GSAP: variants seen among roughly 807,000 people sequenced by gnomAD.
The protein encoded by GSAP is gamma-secretase-activating protein.
In GSAP, 118 loss-of-function variants were observed where a neutral mutation model predicts 131.7. That is an observed-to-expected ratio of 0.90 (90% CI 0.77 to 1.04). The LOEUF is 1.04. Among genes scored for constraint, GSAP ranks in the 50% least tolerant of loss-of-function variants. The probability of loss-of-function intolerance (pLI) is 0.00; values close to 1 mark genes in which losing one functional copy is unlikely to be tolerated. For synonymous variants in GSAP, 381 were observed against 363.4 expected (o/e 1.05, Z -0.55); for missense variants, 1,019 against 1,013.2 (o/e 1.01, Z -0.08).
chr7:77,412,002 A>C (rs1803373199), intron 1 of GSAP, among the ~76,000 whole-genome samples: 3 of 152,198 alleles, frequency 2.0e-5, no homozygotes, highest in African/African-American at 7.2e-5. Flanking sequence ...AATATGGTGA[A>C]ACTCTGTCTC....
chr7:77,414,983 G>A (rs576947910), intron 1 of GSAP, among the ~76,000 whole-genome samples: 6 of 149,744 alleles, frequency 4.0e-5, no homozygotes, highest in Non-Finnish European at 8.9e-5. Context: ...TCAGCCTCCC[G>A]AGTAGCTGGG....
chr7:77,311,664 G>A (rs1027909152), intron 30 of GSAP, 177 bp downstream of exon 30: 2 of 588,286 alleles, frequency 3.4e-6, no homozygotes, highest in African/African-American at 3.7e-5. Flanking sequence ...CTTCAGAGGT[G>A]ATTATTTGGT....
intron 3 of GSAP, among the ~76,000 whole-genome samples, chr7:77,402,168 A>C (rs1344181359): frequency 6.6e-6 from 1 of 151,996 alleles, no homozygotes; most frequent in South Asian, 2.1e-4. Flanking sequence ...CCTGAAGCTC[A>C]ATTACCAAGA....
chr7:77,368,745 C>G (rs915212510), intron 12 of GSAP, among the ~76,000 whole-genome samples: 19 of 152,172 alleles, frequency 1.2e-4, no homozygotes, highest in African/African-American at 4.6e-4. Flanking sequence ...AAATATAGAA[C>G]TTATTTCATA....
chr7:77,401,780 A>G (rs547771176), intron 3 of GSAP, among the ~76,000 whole-genome samples: 1 of 152,368 alleles, frequency 6.6e-6, no homozygotes, highest in East Asian at 1.9e-4. Context: ...AAGAATGTAT[A>G]GGAAATATCG....
At chr7:77,320,205 G>T (rs1478276375) in intron 26 of GSAP, among the ~76,000 whole-genome samples, 1 of 152,042 alleles carries the variant, frequency 6.6e-6, no homozygotes, top group African/African-American at 2.4e-5. Flanking sequence ...TGTCATAGTT[G>T]CTCAACAAAT....
At chr7:77,351,159 A>G (rs1405963833) in intron 18 of GSAP, 1 of 980,768 alleles carries the variant, frequency 1.0e-6, no homozygotes, top group Non-Finnish European at 1.2e-6. Context: ...TAAGTTCTTC[A>G]ATGTGACAGT....
At chr7:77,416,151 CG>C (rs1334292041) in intron 1 of GSAP, 61 bp downstream of exon 1, 43 of 988,998 alleles carry the variant, frequency 4.3e-5, no homozygotes, top group Admixed American at 1.2e-4. Context: ...GGTCGGAGTC[CG>C]GGGGGTATGA....
intron 12 of GSAP, among the ~76,000 whole-genome samples, chr7:77,369,133 T>TA (rs1795753723): frequency 6.6e-6 from 1 of 152,106 alleles, no homozygotes; most frequent in South Asian, 2.1e-4. Context: ...GTTATATGAA[T>TA]AGGAAGGAGA....
Position 77,312,134 on chromosome 7 carries a change from GTGGTTCCGCGA to G in GSAP, c.2329_2339del (p.Ser777ArgfsTer9). On this transcript the variant is annotated frameshift_variant, in exon 29 of 31. Coordinates refer to ENST00000257626, the MANE Select transcript of GSAP (RefSeq NM_017439.4). LOFTEE classifies it high-confidence loss of function. ...TATAGTTCTGAAGCAGTCGCGTCAC[GTGGTTCCGCGA>G]AATGATGTTAGAACTCATAGGATGA... The G allele has an allele frequency of 1.9e-6, 3 of 1,602,024 alleles. No homozygotes were observed. Among genetic ancestry groups the G allele is most frequent in the Non-Finnish European group, 2.6e-6 (3 of 1,174,510 alleles).
chr7:77,311,280 T>G lies in GSAP; in HGVS notation c.*78A>C. The G allele has an allele frequency of 1.2e-6, 1 of 867,440 alleles. No individual in the cohort carries two copies. Among genetic ancestry groups the G allele is most frequent in the Non-Finnish European group, 1.9e-6 (1 of 519,464 alleles). 53.7% of individuals were successfully genotyped at this position (867,440 alleles called of 1,614,324 possible). A position where few individuals can be genotyped will look rare whatever the true frequency, so the allele number is the denominator to read the frequency against. ...TATTTTTGTTACCAATTTTAAATATTGTTAAAGAATTCTCAAAGGAGTAAG... is the reference window on the plus strand; with the variant it reads ...TATTTTTGTTACCAATTTTAAATATGGTTAAAGAATTCTCAAAGGAGTAAG... On this transcript the variant is annotated 3_prime_UTR_variant, in exon 31 of 31. Transcript: ENST00000257626.
At chr7:77,326,353 T>C (rs1006629913) in intron 22 of GSAP, 80 bp from the exon 23 acceptor site, 1 of 939,552 alleles carries the variant, frequency 1.1e-6, no homozygotes, top group African/African-American at 1.6e-5. Context: ...CAGCCTGGGT[T>C]TCCCTTCTCT....
In GSAP at chr7:77,416,268, C is replaced by T. The variant is rs1187441838; in HGVS notation, c.54G>A (p.Trp18Ter). The change falls in exon 1 of 31, where the codon TGG becomes TGA. Residue 18 changes from tryptophan (W) to a stop codon, truncating the protein, a stop_gained. Transcript: ENST00000257626. LOFTEE classifies it high-confidence loss of function. ...CCGACACTGCCCGCTGCGCCCGCAA[C>T]CACGGGAGCACGTCCTTCCCGAGGT... ...DFDLGKDVLP[W>*]LRAQRAVSEA... 3 of 1,496,350 alleles carry T rather than the reference C, an allele frequency of 2.0e-6. No homozygotes were observed. Among genetic ancestry groups the T allele is most frequent in the Admixed American group, 4.6e-5 (2 of 43,864 alleles). The allele number at this position is 1,496,350 out of a possible 1,614,324, so 92.7% of individuals were successfully genotyped here. A position where few individuals can be genotyped will look rare whatever the true frequency, so the allele number is the denominator to read the frequency against.
chr7:77,357,874 T>C (rs563664040), intron 14 of GSAP, among the ~76,000 whole-genome samples: 2 of 152,320 alleles, frequency 1.3e-5, no homozygotes, highest in Admixed American at 1.3e-4. Context: ...ATTTGTGGTG[T>C]TTGAAGTTCT....
At chr7:77,342,322 T>A (rs1471441502) in intron 19 of GSAP, among the ~76,000 whole-genome samples, 2 of 152,192 alleles carry the variant, frequency 1.3e-5, no homozygotes, top group African/African-American at 4.8e-5. Context: ...TTCCCTTGCC[T>A]CCATAACTGT....
chr7:77,371,431 CTTT>C (rs71085450), intron 12 of GSAP, among the ~76,000 whole-genome samples: 88,965 of 143,202 alleles, frequency 0.62, 27,503 homozygotes, highest in Middle Eastern at 0.72. Context: ...CATCTTTTTT[CTTT>C]TTTTTTTTTT....
chr7:77,391,125 C>CAA (rs3083869), intron 5 of GSAP, among the ~76,000 whole-genome samples: 2,196 of 64,864 alleles, frequency 0.034, 140 homozygotes, highest in African/African-American at 0.095. Flanking sequence ...GGCTCCGTCT[C>CAA]AAAAAAAAAA....
rs113338234 is a variant in GSAP, at chr7:77,387,043, T to C, written c.456+317A>G. ...ATTCAGGGATTAAGCCATTTAACCATAGATACTTAATCTGTCAACCATGCA... is the reference window on the plus strand; with the variant it reads ...ATTCAGGGATTAAGCCATTTAACCACAGATACTTAATCTGTCAACCATGCA... On this transcript the variant is annotated intron_variant, in intron 6 of 30. Coordinates refer to ENST00000257626, the MANE Select transcript of GSAP (RefSeq NM_017439.4). Among the ~76,000 whole-genome samples the C allele has an allele frequency of 2.1e-3, 321 of 152,356 alleles. 2 individuals are homozygous for C. Among genetic ancestry groups the C allele is most frequent in the Admixed American group, 3.3e-3 (50 of 15,310 alleles).
At chr7:77,313,401 A>G (rs1794625848) in intron 28 of GSAP, 87 bp downstream of exon 28, 4 of 714,084 alleles carry the variant, frequency 5.6e-6, no homozygotes, top group Non-Finnish European at 9.8e-6. Context: ...TTTAACCCAA[A>G]GCAAGTAAAT....
Sources: gnomAD v4.1 joint callset for allele counts (sites outside exome capture counted in the v4.1 genomes callset) on GRCh38, gnomAD v4.1.1 for gene constraint, MANE v1.5 for transcripts, NCBI Gene and HGNC (gene_info 2026-07-23, HGNC 2026-07-21) for gene names.